IL1RAPL2: variants seen among roughly 807,000 people sequenced by gnomAD.
IL1RAPL2 encodes X-linked interleukin-1 receptor accessory protein-like 2.
A neutral mutation model predicts 44.1 loss-of-function variants in IL1RAPL2; 3 were observed. The ratio of observed to expected loss-of-function variants is 0.07; its 90% CI spans 0.03 to 0.18. The LOEUF (loss-of-function observed/expected upper bound fraction) is 0.18, where lower values mean the gene tolerates loss of function less well. Ranked by LOEUF, IL1RAPL2 falls within the 10% of genes least tolerant of loss-of-function variation. The probability of loss-of-function intolerance (pLI) is 1.00; values close to 1 mark genes in which losing one functional copy is unlikely to be tolerated. For synonymous variants in IL1RAPL2, 181 were observed against 178.8 expected, an observed-to-expected ratio of 1.01 and a Z score of -0.10; for missense variants, 391 against 496.4, an observed-to-expected ratio of 0.79 and a Z score of 2.02.
At chrX:105,713,728 C>T (rs998763114) in intron 6 of IL1RAPL2, among the ~76,000 whole-genome samples, 1 of 111,339 alleles carries the variant, frequency 9.0e-6, no homozygotes, top group Admixed American at 9.5e-5. Flanking sequence ...CTTCAAAATG[C>T]CTTTGGGGTC....
At chrX:105,666,081 G>T (rs1403548761) in intron 6 of IL1RAPL2, among the ~76,000 whole-genome samples, 3 of 73,540 alleles carry the variant, frequency 4.1e-5, no homozygotes, top group Admixed American at 3.7e-4. Context: ...TTTAAAAATG[G>T]GTTTTTTTTT....
chrX:105,556,180 G>A (rs1351090402), intron 6 of IL1RAPL2, among the ~76,000 whole-genome samples: 1 of 111,583 alleles, frequency 9.0e-6, no homozygotes, highest in Non-Finnish European at 1.9e-5. Flanking sequence ...TGTCATAGGG[G>A]GACAGTACGA....
intron 2 of IL1RAPL2, among the ~76,000 whole-genome samples, chrX:104,931,821 A>G (rs1257217255): frequency 4.5e-5 from 5 of 109,980 alleles, no homozygotes; most frequent in Non-Finnish European, 7.6e-5. Context: ...CTAAATTAAA[A>G]TAAGGATCAA....
intron 2 of IL1RAPL2, among the ~76,000 whole-genome samples, chrX:104,706,204 A>G (rs1293620620): frequency 9.0e-6 from 1 of 110,998 alleles, no homozygotes; most frequent in Non-Finnish European, 1.9e-5. Context: ...TCTATGCCCC[A>G]TTTGTCTTAT....
intron 2 of IL1RAPL2, among the ~76,000 whole-genome samples, chrX:104,833,718 C>T (rs1017143651): frequency 1.8e-5 from 2 of 111,667 alleles, no homozygotes; most frequent in Non-Finnish European, 3.8e-5. Context: ...AGCATAAAGA[C>T]TTCTGTTACT....
At chrX:105,292,743 GT>G (rs2034623284) in intron 5 of IL1RAPL2, among the ~76,000 whole-genome samples, 2 of 110,756 alleles carry the variant, frequency 1.8e-5, no homozygotes, top group African/African-American at 6.5e-5. Flanking sequence ...AAATCCCTCA[GT>G]TTTAATTTTT....
At chrX:105,361,933 C>T (rs1236806834) in intron 5 of IL1RAPL2, among the ~76,000 whole-genome samples, 1 of 111,606 alleles carries the variant, frequency 9.0e-6, no homozygotes, top group African/African-American at 3.2e-5. Flanking sequence ...GGAATAGGAT[C>T]TGTCATCCTC....
rs757587011 is a variant in IL1RAPL2, at chrX:104,766,541, TCATCATGATTAA to T, written c.82+107553_82+107564del. Among the ~76,000 whole-genome samples, 370 of 111,833 alleles carry T rather than the reference TCATCATGATTAA, an allele frequency of 3.3e-3. 2 individuals are homozygous for T. The highest frequency in any genetic ancestry group is 5.4e-3 in the Non-Finnish European group (289 of 53,162). ...ACACTTTTCCCATAGTATGACACCA[TCATCATGATTAA>T]CATCATTGGATACTTATTATGTCCT... On this transcript the variant is annotated intron_variant, in intron 2 of 10. Coordinates refer to ENST00000372582, the MANE Select transcript of IL1RAPL2 (RefSeq NM_017416.2).
At chrX:105,171,977 C>A (rs1054987098) in intron 2 of IL1RAPL2, among the ~76,000 whole-genome samples, 1 of 112,333 alleles carries the variant, frequency 8.9e-6, no homozygotes, top group Non-Finnish European at 1.9e-5. Context: ...AAATCCAACC[C>A]CTTCTCTGGC....
chrX:105,719,238 A>G (rs2038282223), intron 7 of IL1RAPL2, among the ~76,000 whole-genome samples: 1 of 111,836 alleles, frequency 8.9e-6, no homozygotes, highest in African/African-American at 3.2e-5. Flanking sequence ...GGCATATACT[A>G]CAACCTGAGT....
At chrX:105,490,567 G>C (rs1170343169) in intron 6 of IL1RAPL2, among the ~76,000 whole-genome samples, 1 of 111,698 alleles carries the variant, frequency 9.0e-6, no homozygotes, top group African/African-American at 3.3e-5. Context: ...CAGTGTAAAA[G>C]ACTCTACAAG....
chrX:104,954,302 C>A (rs1034858999), intron 2 of IL1RAPL2, among the ~76,000 whole-genome samples: 3 of 111,756 alleles, frequency 2.7e-5, no homozygotes, highest in African/African-American at 9.7e-5. Flanking sequence ...TAATTTTTCC[C>A]TTCTTGCCAT....
chrX:104,915,179 C>A (rs1924378325), intron 2 of IL1RAPL2, among the ~76,000 whole-genome samples: 1 of 111,049 alleles, frequency 9.0e-6, no homozygotes, highest in African/African-American at 3.3e-5. Context: ...TACAGTCCCA[C>A]CAACAGTGTA....
At chrX:105,695,257 A>G (rs892776076) in intron 6 of IL1RAPL2, among the ~76,000 whole-genome samples, 4 of 112,095 alleles carry the variant, frequency 3.6e-5, no homozygotes, top group African/African-American at 1.3e-4. Context: ...TTATAAATCA[A>G]TGGATACATG....
intron 9 of IL1RAPL2, among the ~76,000 whole-genome samples, chrX:105,749,850 G>A (rs992107771): frequency 1.7e-4 from 19 of 111,747 alleles, no homozygotes; most frequent in African/African-American, 5.8e-4. Context: ...ATGGCATGTA[G>A]CTTCTTATAC....
intron 2 of IL1RAPL2, among the ~76,000 whole-genome samples, chrX:105,061,999 T>A (rs1408403143): frequency 8.9e-6 from 1 of 111,917 alleles, no homozygotes; most frequent in Non-Finnish European, 1.9e-5. Flanking sequence ...ATCTTTTGAT[T>A]GGAGAGTTTA....
intron 2 of IL1RAPL2, among the ~76,000 whole-genome samples, chrX:104,930,892 A>G (rs192481868): frequency 9.0e-6 from 1 of 111,463 alleles, no homozygotes; most frequent in East Asian, 2.8e-4. Flanking sequence ...CTTTAAAGTG[A>G]TTAAAGTGAT....
chrX:105,186,570 G>A (rs1042543869), intron 2 of IL1RAPL2, among the ~76,000 whole-genome samples: 4 of 111,638 alleles, frequency 3.6e-5, no homozygotes, highest in Non-Finnish European at 5.6e-5. Flanking sequence ...CAGACACTTC[G>A]ATAGGGTAGG....
At chrX:104,655,277 T>G in intron 1 of IL1RAPL2, among the ~76,000 whole-genome samples, 1 of 111,898 alleles carries the variant, frequency 8.9e-6, no homozygotes, top group Non-Finnish European at 1.9e-5. Context: ...CTTCCAGTTT[T>G]TGCCCATTCA....
Sources: allele counts gnomAD v4.1 joint callset (sites outside exome capture counted in the v4.1 genomes callset), GRCh38; gene constraint gnomAD v4.1.1; transcripts MANE v1.5; gene names NCBI Gene and HGNC (gene_info 2026-07-23, HGNC 2026-07-21).